The following SHROOM3 variants were observed in gnomAD, a reference collection of about 807,000 sequenced individuals.
SHROOM3 encodes shroom family member 3.
In SHROOM3, 47 loss-of-function variants were observed where a neutral mutation model predicts 138.6. That is an observed-to-expected ratio of 0.34 (90% CI 0.27 to 0.43). SHROOM3 has a LOEUF of 0.43. Ranked by LOEUF, SHROOM3 falls within the 20% of genes least tolerant of loss-of-function variation. SHROOM3 has a pLI of 1.00. For synonymous variants in SHROOM3, 1,062 were observed against 1,063.3 expected (o/e 1.00, Z 0.02); for missense variants, 2,491 against 2,596.5 (o/e 0.96, Z 0.88).
intron 4 of SHROOM3, among the ~76,000 whole-genome samples, chr4:76,735,217 C>T (rs1720999335): frequency 6.6e-6 from 1 of 152,118 alleles, no homozygotes; most frequent in South Asian, 2.1e-4. Flanking sequence ...GGATTGAAAA[C>T]CTTCATTCCA....
intron 1 of SHROOM3, among the ~76,000 whole-genome samples, chr4:76,528,020 A>G (rs897049924): frequency 7.9e-5 from 12 of 152,342 alleles, no homozygotes; most frequent in Middle Eastern, 3.4e-3. Flanking sequence ...TTAAAAAGTT[A>G]TTCTAATTTC....
At chr4:76,454,285 C>A (rs187996398) in intron 1 of SHROOM3, among the ~76,000 whole-genome samples, 1 of 152,288 alleles carries the variant, frequency 6.6e-6, no homozygotes, top group East Asian at 1.9e-4. Context: ...CTCAGATGAT[C>A]CACCCGCCTT....
chr4:76,761,727 G>T (rs1437065022), intron 9 of SHROOM3, among the ~76,000 whole-genome samples: 2 of 152,114 alleles, frequency 1.3e-5, no homozygotes, highest in East Asian at 1.9e-4. Context: ...AAAAATATGA[G>T]AACAGCAGTG....
intron 3 of SHROOM3, among the ~76,000 whole-genome samples, chr4:76,710,971 T>C (rs1020163666): frequency 5.9e-5 from 9 of 152,180 alleles, no homozygotes; most frequent in East Asian, 3.9e-4. Flanking sequence ...GCCTACTTCA[T>C]AGGACAACTG....
rs866232388 is a variant in SHROOM3, at chr4:76,605,952, T to C, written c.323+50189T>C. 8.0e-4 allele frequency among the ~76,000 whole-genome samples: 114 copies of C among 141,978 alleles called. 2 individuals are homozygous for C. In the South Asian group the frequency reaches 9.9e-3, roughly 12 times the overall value. 93.1% of individuals were successfully genotyped at this position (141,978 alleles called of 152,430 possible). On this transcript the variant is annotated intron_variant, in intron 2 of 10. Transcript: ENST00000296043. ...CTCTCTCTATATATATATATACACA[T>C]ATATATATACATATATATACACATA...
rs144311460 is a variant in SHROOM3 at position 76,556,404 on chromosome 4, A to G, written c.323+641A>G. 1.1e-4 allele frequency among the ~76,000 whole-genome samples: 16 copies of G among 152,278 alleles called. No individual in the cohort carries two copies. The East Asian group carries it at 3.1e-3, about 29-fold the overall frequency. On this transcript the variant is annotated intron_variant, in intron 2 of 10. Transcript: ENST00000296043. Reference sequence around the variant, plus strand: ...AAGCACTGCTTGAGACATTTTACACATCTTAGCTCATTTAATCTGCACATG... The same window carrying G: ...AAGCACTGCTTGAGACATTTTACACGTCTTAGCTCATTTAATCTGCACATG...
chr4:76,514,472 G>A (rs1217097382), intron 1 of SHROOM3, among the ~76,000 whole-genome samples: 1 of 152,126 alleles, frequency 6.6e-6, no homozygotes, highest in African/African-American at 2.4e-5. Flanking sequence ...TACTTCAGTG[G>A]CTGCCAGGGG....
intron 2 of SHROOM3, among the ~76,000 whole-genome samples, chr4:76,679,252 T>A (rs1287822554): frequency 6.6e-6 from 1 of 152,244 alleles, no homozygotes; most frequent in African/African-American, 2.4e-5. Context: ...TACCTCAACC[T>A]AGTCTTAAAA....
At chr4:76,668,055 T>A (rs1365271716) in intron 2 of SHROOM3, among the ~76,000 whole-genome samples, 1 of 149,054 alleles carries the variant, frequency 6.7e-6, no homozygotes, top group African/African-American at 2.5e-5. Flanking sequence ...CCCCTCTCCC[T>A]TGTCCACCGC....
intron 3 of SHROOM3, among the ~76,000 whole-genome samples, chr4:76,722,597 C>T (rs570494050): frequency 6.6e-6 from 1 of 151,728 alleles, no homozygotes; most frequent in Non-Finnish European, 1.5e-5. Flanking sequence ...TATATAACAC[C>T]CCCAGTCCAT....
intron 2 of SHROOM3, among the ~76,000 whole-genome samples, chr4:76,571,825 G>A (rs1195275686): frequency 6.6e-6 from 1 of 152,196 alleles, no homozygotes; most frequent in Non-Finnish European, 1.5e-5. Flanking sequence ...GATAAATGAT[G>A]TTAGGATTCT....
At chr4:76,541,386 A>G (rs974129161) in intron 1 of SHROOM3, among the ~76,000 whole-genome samples, 2 of 152,244 alleles carry the variant, frequency 1.3e-5, no homozygotes, top group Non-Finnish European at 2.9e-5. Flanking sequence ...TAAATAAAAT[A>G]TAAATGAATG....
intron 2 of SHROOM3, among the ~76,000 whole-genome samples, chr4:76,584,917 T>C (rs1734122374): frequency 6.6e-6 from 1 of 152,184 alleles, no homozygotes; most frequent in African/African-American, 2.4e-5. Context: ...GCTTCTCTTC[T>C]TTTGAAAGAT....
At chr4:76,572,471 T>C (rs1435382029) in intron 2 of SHROOM3, among the ~76,000 whole-genome samples, 1 of 152,214 alleles carries the variant, frequency 6.6e-6, no homozygotes, top group Non-Finnish European at 1.5e-5. Flanking sequence ...TGAGGACTAT[T>C]CCCAGTGCAG....
intron 6 of SHROOM3, among the ~76,000 whole-genome samples, chr4:76,749,717 C>T (rs187784636): frequency 9.9e-5 from 15 of 152,230 alleles, no homozygotes; most frequent in African/African-American, 2.6e-4. Context: ...AGAGGAAAGT[C>T]GTTTTTTTAA....
intron 2 of SHROOM3, among the ~76,000 whole-genome samples, chr4:76,665,474 C>T (rs914373469): frequency 1.3e-5 from 2 of 152,166 alleles, no homozygotes; most frequent in Admixed American, 6.5e-5. Flanking sequence ...GGAAGAGAGC[C>T]CAGATCCATA....
At chr4:76,673,797 A>G (rs1431400491) in intron 2 of SHROOM3, among the ~76,000 whole-genome samples, 1 of 152,246 alleles carries the variant, frequency 6.6e-6, no homozygotes, top group African/African-American at 2.4e-5. Flanking sequence ...GAACTTTTTC[A>G]TCTTGCAAAA....
chr4:76,667,461 C>T (rs1371494100), intron 2 of SHROOM3, among the ~76,000 whole-genome samples: 3 of 151,982 alleles, frequency 2.0e-5, no homozygotes, highest in African/African-American at 7.2e-5. Context: ...GGACTACAGG[C>T]ATGTGCCATC....
chr4:76,616,773 T>C (rs1734891277), intron 2 of SHROOM3, among the ~76,000 whole-genome samples: 1 of 152,158 alleles, frequency 6.6e-6, no homozygotes, highest in South Asian at 2.1e-4. Flanking sequence ...TGCAGCAATA[T>C]GTTTGCACTT....
Sources: allele counts gnomAD v4.1 joint callset (sites outside exome capture counted in the v4.1 genomes callset), GRCh38; gene constraint gnomAD v4.1.1; transcripts MANE v1.5; gene names NCBI Gene and HGNC (gene_info 2026-07-23, HGNC 2026-07-21).